The following AOPEP variants were observed in gnomAD, a reference collection of about 807,000 sequenced individuals.
AOPEP encodes the protein aminopeptidase O.
AOPEP carries 77 observed loss-of-function variants against 98.1 expected under a neutral mutation model. The observed-to-expected ratio is 0.78, with a 90% CI of 0.65 to 0.95. AOPEP has a LOEUF of 0.95. Ranked by LOEUF, AOPEP falls within the 40% of genes least tolerant of loss-of-function variation. The pLI, the probability that AOPEP is intolerant of heterozygous loss-of-function variation, is 0.00. For synonymous variants in AOPEP, 346 were observed against 365.3 expected (o/e 0.95, Z 0.60); for missense variants, 1,024 against 1,024.7 (o/e 1.00, Z 0.01).
intron 5 of AOPEP, among the ~76,000 whole-genome samples, chr9:94,922,756 G>A (rs2053805978): frequency 6.6e-6 from 1 of 152,172 alleles, no homozygotes; most frequent in Non-Finnish European, 1.5e-5. Flanking sequence ...GTCCTCTTCA[G>A]AGCACCTGGC....
At chr9:95,006,735 C>G (rs1310579647) in intron 13 of AOPEP, among the ~76,000 whole-genome samples, 1 of 151,872 alleles carries the variant, frequency 6.6e-6, no homozygotes, top group Non-Finnish European at 1.5e-5. Flanking sequence ...TTGGAACAGA[C>G]TTGAGTTTTC....
intron 11 of AOPEP, among the ~76,000 whole-genome samples, chr9:94,995,102 T>C (rs2061139300): frequency 6.6e-6 from 1 of 152,140 alleles, no homozygotes; most frequent in Non-Finnish European, 1.5e-5. Flanking sequence ...TCATGTCCAT[T>C]GGTTGTCATT....
At chr9:95,065,110 T>C (rs1383486557) in intron 14 of AOPEP, among the ~76,000 whole-genome samples, 4 of 152,250 alleles carry the variant, frequency 2.6e-5, no homozygotes, top group African/African-American at 7.2e-5. Flanking sequence ...GACATTTCTA[T>C]TTTGTTTTGT....
the AOPEP span, chr9:95,123,886 G>GT: frequency 1.5e-5 from 8 of 517,562 alleles, no homozygotes; most frequent in Non-Finnish European, 2.9e-5. Flanking sequence ...AGTCCTTAAA[G>GT]TCTGAAGACG....
Position 94,813,892 on chromosome 9 carries a change from C to G in AOPEP, c.1364+12890C>G, listed in dbSNP as rs1851155940. On this transcript the variant is annotated intron_variant, in intron 5 of 16. Coordinates refer to ENST00000375315, the MANE Select transcript of AOPEP (RefSeq NM_001193329.3). ...GAGGGACCTCCACCCTGGCTGTGTT[C>G]AGGCTCTTGACACCGCCACAAGAAG... Among the ~76,000 whole-genome samples, 5 of 152,290 alleles carry G rather than the reference C, an allele frequency of 3.3e-5. No homozygotes were observed. In the South Asian group the frequency reaches 1.0e-3, roughly 32 times the overall value.
rs75107732 is a variant in AOPEP, at chr9:94,961,864, C to T, written c.1872+5849C>T. Among the ~76,000 whole-genome samples the T allele has an allele frequency of 2.0e-3, 310 of 152,238 alleles. 5 individuals are homozygous for T. The East Asian group carries it at 0.043, about 21-fold the overall frequency. On this transcript the variant is annotated intron_variant, in intron 9 of 16. Transcript: ENST00000375315. ...TGTGTTAGTTTGCATGGTTGCCATA[C>T]GTTTCTTTTTGCTCATTCTCAGCTT...
intron 3 of AOPEP, among the ~76,000 whole-genome samples, chr9:94,781,907 G>C (rs1242529806): frequency 6.6e-6 from 1 of 151,146 alleles, no homozygotes; most frequent in Non-Finnish European, 1.5e-5. Flanking sequence ...AAAATACTCT[G>C]AGGGCTGGGT....
At chr9:94,860,249 G>C (rs1006285784) in intron 5 of AOPEP, among the ~76,000 whole-genome samples, 2 of 152,164 alleles carry the variant, frequency 1.3e-5, no homozygotes, top group African/African-American at 2.4e-5. Context: ...CCCGAAAGAA[G>C]TGTTCATGGA....
chr9:95,107,494 G>T, the AOPEP span: 1 of 606,724 alleles, frequency 1.6e-6, no homozygotes, highest in East Asian at 2.8e-5. Flanking sequence ...AGCAGTCAGG[G>T]CACCATGCCA....
intron 5 of AOPEP, among the ~76,000 whole-genome samples, chr9:94,861,774 C>T (rs568493996): frequency 6.6e-6 from 1 of 152,322 alleles, no homozygotes; most frequent in Non-Finnish European, 1.5e-5. Context: ...GAGTAGTACA[C>T]CTGGTGCAGC....
chr9:94,748,702 A>C (rs945332396), intron 1 of AOPEP, among the ~76,000 whole-genome samples: 2 of 152,060 alleles, frequency 1.3e-5, no homozygotes, highest in Admixed American at 1.3e-4. Context: ...ACTTTGTCAG[A>C]TTTTACTTGT....
At chr9:95,067,991 CCTT>C (rs2134024154) in intron 14 of AOPEP, among the ~76,000 whole-genome samples, 1 of 152,288 alleles carries the variant, frequency 6.6e-6, no homozygotes, top group African/African-American at 2.4e-5. Flanking sequence ...CGGGGATCAT[CCTT>C]CTTTGTAGCA....
chr9:94,781,868 T>C (rs1158646368), intron 3 of AOPEP, among the ~76,000 whole-genome samples: 1 of 151,028 alleles, frequency 6.6e-6, no homozygotes, highest in Admixed American at 6.6e-5. Flanking sequence ...TAGAGTCTAA[T>C]TTAGTATATC....
intron 1 of AOPEP, among the ~76,000 whole-genome samples, chr9:94,753,229 A>G (rs923524798): frequency 1.3e-5 from 2 of 152,222 alleles, no homozygotes; most frequent in African/African-American, 4.8e-5. Flanking sequence ...TGGACCCAGA[A>G]GGAAGGAGTG....
intron 5 of AOPEP, among the ~76,000 whole-genome samples, chr9:94,881,552 C>G (rs2047588069): frequency 6.6e-6 from 1 of 151,948 alleles, no homozygotes; most frequent in Admixed American, 6.5e-5. Context: ...CCAGAGTCCT[C>G]TCAAAATGTT....
chr9:95,148,601 G>A, the AOPEP span, among the ~76,000 whole-genome samples: 1 of 152,166 alleles, frequency 6.6e-6, no homozygotes, highest in African/African-American at 2.4e-5. Flanking sequence ...GCTCCATGGT[G>A]GCAGTAATGA....
chr9:94,888,771 G>A (rs1299005399), intron 5 of AOPEP, among the ~76,000 whole-genome samples: 3 of 152,300 alleles, frequency 2.0e-5, no homozygotes, highest in African/African-American at 7.2e-5. Flanking sequence ...TTGGACATGA[G>A]TAAAGGGACT....
chr9:95,042,416 A>G (rs2065416740), intron 13 of AOPEP, among the ~76,000 whole-genome samples: 1 of 152,242 alleles, frequency 6.6e-6, no homozygotes. Flanking sequence ...CAGGCTAAGA[A>G]GCAATGACAT....
intron 5 of AOPEP, among the ~76,000 whole-genome samples, chr9:94,878,182 G>A (rs1279803190): frequency 6.6e-6 from 1 of 150,976 alleles, no homozygotes; most frequent in African/African-American, 2.4e-5. Flanking sequence ...GAGGAAAAAA[G>A]CAAAAAGCAC....
Sources: gnomAD v4.1 joint callset for allele counts (sites outside exome capture counted in the v4.1 genomes callset) on GRCh38, gnomAD v4.1.1 for gene constraint, MANE v1.5 for transcripts, NCBI Gene and HGNC (gene_info 2026-07-23, HGNC 2026-07-21) for gene names.